The following SMC6 variants were observed in gnomAD, a reference collection of about 807,000 sequenced individuals.
SMC6 encodes structural maintenance of chromosomes protein 6.
A neutral mutation model predicts 142.2 loss-of-function variants in SMC6; 79 were observed. The observed-to-expected ratio is 0.56, with a 90% CI of 0.46 to 0.67. SMC6 has a LOEUF of 0.67. Among genes scored for constraint, SMC6 ranks in the 30% least tolerant of loss-of-function variants. The pLI is 0.00. For missense variants in SMC6, 1,072 were observed against 1,284.0 expected (o/e 0.83, Z 2.52); for synonymous variants, 411 against 412.4 (o/e 1.00, Z 0.04).
chr2:17,713,693 T>C, intron 16 of SMC6: 1 of 319,172 alleles, frequency 3.1e-6, no homozygotes. Context: ...TTCTCTTGCA[T>C]TCAATTAACA....
chr2:17,687,929 G>T (rs1022130811), intron 23 of SMC6, among the ~76,000 whole-genome samples: 2 of 152,068 alleles, frequency 1.3e-5, no homozygotes, highest in Non-Finnish European at 2.9e-5. Flanking sequence ...AACACATCTT[G>T]AATGTTTTTC....
At chr2:17,717,523 T>A (rs1010010866) in intron 12 of SMC6, among the ~76,000 whole-genome samples, 4 of 151,830 alleles carry the variant, frequency 2.6e-5, no homozygotes, top group African/African-American at 9.7e-5. Flanking sequence ...TACGAAAAAT[T>A]AGCTGGGCGT....
chr2:17,691,494 G>A (rs2124894682), intron 23 of SMC6, among the ~76,000 whole-genome samples: 1 of 151,588 alleles, frequency 6.6e-6, no homozygotes, highest in East Asian at 2.0e-4. Flanking sequence ...CGCAGAAAAG[G>A]CCTTTGACAA....
chr2:17,717,269 TAC>T, intron 12 of SMC6, 93 bp from the exon 13 acceptor site: 3 of 766,266 alleles, frequency 3.9e-6, no homozygotes, highest in Non-Finnish European at 6.2e-6. Context: ...GCTGAATATA[TAC>T]AGGAATATAT....
In SMC6 at chr2:17,717,173, A is replaced by T; in HGVS notation, c.1096T>A (p.Leu366Ile). 6 of 1,596,172 alleles carry T rather than the reference A, an allele frequency of 3.8e-6. No homozygotes were observed. Among genetic ancestry groups the T allele is most frequent in the Non-Finnish European group, 5.1e-6 (6 of 1,174,212 alleles). ...KKRAYNEAEV[L>I]YNRSLNEYKA... ...TATTCGTTTAAGGATCGGTTATATA[A>T]AACCTAACCAAAAAAATTAGACACA... The change falls in exon 13 of 28, where the codon TTA becomes ATA. Residue 366 changes from leucine to isoleucine, a missense_variant. Coordinates refer to ENST00000448223, the MANE Select transcript of SMC6 (RefSeq NM_001142286.2).
At chr2:17,741,067 G>A (rs954268369) in intron 4 of SMC6, among the ~76,000 whole-genome samples, 6 of 152,154 alleles carry the variant, frequency 3.9e-5, no homozygotes, top group Admixed American at 3.9e-4. Flanking sequence ...TTATTCACCA[G>A]TTCCTATACA....
intron 5 of SMC6, among the ~76,000 whole-genome samples, chr2:17,736,815 T>C (rs928408227): frequency 6.6e-6 from 1 of 151,820 alleles, no homozygotes; most frequent in Non-Finnish European, 1.5e-5. Flanking sequence ...GAGGTTGTAG[T>C]GAGCCAAGAC....
intron 20 of SMC6, among the ~76,000 whole-genome samples, 193 bp downstream of exon 20, chr2:17,701,636 T>C (rs2124939102): frequency 6.6e-6 from 1 of 152,268 alleles, no homozygotes; most frequent in African/African-American, 2.4e-5. Flanking sequence ...ATGAAAGTTA[T>C]ATATACACAA....
At chr2:17,711,342 T>C (rs1395164081) in intron 16 of SMC6, among the ~76,000 whole-genome samples, 2 of 152,114 alleles carry the variant, frequency 1.3e-5, no homozygotes, top group East Asian at 3.9e-4. Flanking sequence ...TAATGAGATG[T>C]TGGTGACAGG....
intron 4 of SMC6, among the ~76,000 whole-genome samples, chr2:17,739,825 C>CACAG (rs1185743209): frequency 5.2e-4 from 59 of 113,068 alleles, no homozygotes; most frequent in African/African-American, 2.4e-3. Context: ...TCTTTAAACA[C>CACAG]ACACACACAC....
chr2:17,719,715 TGA>T (rs1393513791), intron 11 of SMC6, among the ~76,000 whole-genome samples: 4 of 152,132 alleles, frequency 2.6e-5, no homozygotes, highest in East Asian at 1.9e-4. Flanking sequence ...AAATTTAAGG[TGA>T]GAGGTGGAAA....
chr2:17,716,753 T>C lies in SMC6; in HGVS notation c.1334A>G (p.His445Arg), dbSNP rs781671714. 1.2e-6 allele frequency: 2 copies of C among 1,603,288 alleles called. No homozygotes were observed. Among genetic ancestry groups the C allele is most frequent in the South Asian group, 2.3e-5 (2 of 88,052 alleles). ...QQAIEKDKEE[H>R]GKIKREELDV... Reference sequence around the variant, plus strand: ...TGTTGCAACTTACTTAATTTTGCCATGTTCTTCTTTGTCCTTTTCTATGGC... The same window carrying C: ...TGTTGCAACTTACTTAATTTTGCCACGTTCTTCTTTGTCCTTTTCTATGGC... The change falls in exon 14 of 28, where the codon CAT becomes CGT. Residue 445 changes from histidine to arginine, a missense_variant. His to Arg is a conservative substitution (Grantham distance 29). Coordinates refer to ENST00000448223, the MANE Select transcript of SMC6 (RefSeq NM_001142286.2).
chr2:17,696,408 C>T lies in SMC6; in HGVS notation c.2413G>A (p.Asp805Asn). 6.2e-7 allele frequency: 1 copy of T among 1,607,242 alleles called. No homozygotes were observed. Among genetic ancestry groups the T allele is most frequent in the South Asian group, 1.1e-5 (1 of 89,074 alleles). ...DPLKDELNLA[D>N]SEVDNQKRGK... ...CGTTTTTGGTTATCCACTTCAGAATCAGCAAGGTTTAATTCATCCTGTTTG... is the reference window on the plus strand; with the variant it reads ...CGTTTTTGGTTATCCACTTCAGAATTAGCAAGGTTTAATTCATCCTGTTTG... The change falls in exon 22 of 28, where the codon GAT (aspartate) becomes AAT (asparagine). Residue 805 changes from aspartate to asparagine, a missense_variant. Physicochemically the swap from Asp to Asn is conservative, Grantham distance 23. Coordinates refer to ENST00000448223, the MANE Select transcript of SMC6 (RefSeq NM_001142286.2).
chr2:17,701,542 T>A (rs192747048), intron 20 of SMC6, among the ~76,000 whole-genome samples: 1 of 152,270 alleles, frequency 6.6e-6, no homozygotes, highest in Non-Finnish European at 1.5e-5. Context: ...AACAGCAGGG[T>A]TTGATGGGCC....
At chr2:17,715,234 T>C (rs1371449131) in intron 15 of SMC6, among the ~76,000 whole-genome samples, 169 bp from the exon 16 acceptor site, 2 of 152,200 alleles carry the variant, frequency 1.3e-5, no homozygotes, top group East Asian at 3.8e-4. Flanking sequence ...CATACTTTTA[T>C]ATAAAGCAGT....
At position 17,669,181 on chromosome 2, in the gene SMC6, G is replaced by A. The variant is rs532600088; in HGVS notation, c.3063+1242C>T. ...ACAGATGTCAAAGGTAGGTGACTGC[G>A]CTGGAAATGACAGTTTGCATTAATC... On this transcript the variant is annotated intron_variant, in intron 26 of 27. Coordinates refer to ENST00000448223, the MANE Select transcript of SMC6 (RefSeq NM_001142286.2). 8.5e-5 allele frequency among the ~76,000 whole-genome samples: 13 copies of A among 152,290 alleles called. No individual in the cohort carries two copies. The South Asian group carries it at 2.7e-3, about 32-fold the overall frequency.
At chr2:17,671,338 T>A (rs1264538987) in intron 25 of SMC6, among the ~76,000 whole-genome samples, 1 of 148,158 alleles carries the variant, frequency 6.7e-6, no homozygotes, top group Non-Finnish European at 1.5e-5. Flanking sequence ...TTGAAATATA[T>A]CTTTTAAAAG....
chr2:17,707,666 A>C (rs1668616308), intron 17 of SMC6, among the ~76,000 whole-genome samples: 1 of 152,134 alleles, frequency 6.6e-6, no homozygotes, highest in Non-Finnish European at 1.5e-5. Flanking sequence ...TTAAAAGTTA[A>C]AACTATTCTA....
intron 9 of SMC6, among the ~76,000 whole-genome samples, chr2:17,723,070 A>C (rs10166632): frequency 0.34 from 52,204 of 151,636 alleles, 9,881 homozygotes; most frequent in African/African-American, 0.46. Context: ...TCCTATCTCA[A>C]TAAACTTACT....
Sources: gnomAD v4.1 joint callset for allele counts (sites outside exome capture counted in the v4.1 genomes callset) on GRCh38, gnomAD v4.1.1 for gene constraint, MANE v1.5 for transcripts, NCBI Gene and HGNC (gene_info 2026-07-23, HGNC 2026-07-21) for gene names.